Variants in CUL3 observed in about 807,000 individuals in gnomAD.
CUL3 encodes the protein cullin-3.
A neutral mutation model predicts 89.1 loss-of-function variants in CUL3; 19 were observed. That is an observed-to-expected ratio of 0.21 (90% CI 0.15 to 0.31). The LOEUF (loss-of-function observed/expected upper bound fraction) is 0.31. Among genes scored for constraint, CUL3 ranks in the 10% least tolerant of loss-of-function variants. The pLI is 1.00. For synonymous variants in CUL3, 351 were observed against 308.4 expected (o/e 1.14, Z -1.45); for missense variants, 469 against 942.3 (o/e 0.50, Z 6.58).
chr2:224,526,224 C>T (rs1693467431), intron 3 of CUL3, among the ~76,000 whole-genome samples: 1 of 152,226 alleles, frequency 6.6e-6, no homozygotes, highest in Admixed American at 6.5e-5. Flanking sequence ...CTACTCCAAA[C>T]TTCCCATATA....
intron 2 of CUL3, 57 bp from the exon 3 acceptor site, chr2:224,535,698 A>G: frequency 1.0e-6 from 1 of 962,396 alleles, no homozygotes; most frequent in South Asian, 1.3e-5. Context: ...TCGTATATAC[A>G]GGCATGCACA....
At chr2:224,501,766 G>A (rs1356416649) in intron 10 of CUL3, among the ~76,000 whole-genome samples, 1 of 152,150 alleles carries the variant, frequency 6.6e-6, no homozygotes, top group Non-Finnish European at 1.5e-5. Context: ...GTTAGGGGAA[G>A]GGAGGGTCAC....
intron 3 of CUL3, among the ~76,000 whole-genome samples, chr2:224,529,289 T>C (rs569884779): frequency 5.3e-4 from 80 of 152,184 alleles, no homozygotes; most frequent in African/African-American, 1.8e-3. Flanking sequence ...TACCAAACTA[T>C]CTTATAAGCT....
intron 15 of CUL3, among the ~76,000 whole-genome samples, chr2:224,477,655 T>G (rs1691374878): frequency 6.6e-6 from 1 of 152,170 alleles, no homozygotes; most frequent in East Asian, 1.9e-4. Context: ...CTCTATCTAC[T>G]CATTCAAGCC....
intron 2 of CUL3, among the ~76,000 whole-genome samples, chr2:224,546,768 C>G (rs1694319650): frequency 6.6e-6 from 1 of 151,950 alleles, no homozygotes; most frequent in Non-Finnish European, 1.5e-5. Flanking sequence ...ACTTTTAAGC[C>G]TCCTCTCCCC....
intron 1 of CUL3, among the ~76,000 whole-genome samples, chr2:224,575,214 A>G (rs893266122): frequency 5.3e-5 from 8 of 152,214 alleles, no homozygotes; most frequent in Non-Finnish European, 8.8e-5. Context: ...AGAATTCTCA[A>G]GAGATAGCTT....
At chr2:224,497,299 C>T (rs538002677) in intron 12 of CUL3, among the ~76,000 whole-genome samples, 6 of 152,122 alleles carry the variant, frequency 3.9e-5, no homozygotes, top group East Asian at 1.9e-4. Context: ...AATCACTGGT[C>T]TAATACTAAT....
At chr2:224,483,413 T>C (rs542360120) in intron 13 of CUL3, among the ~76,000 whole-genome samples, 5 of 152,156 alleles carry the variant, frequency 3.3e-5, no homozygotes, top group Admixed American at 6.5e-5. Context: ...AGTCATAAGG[T>C]TGTATATATA....
At chr2:224,524,169 G>A (rs1317173332) in intron 3 of CUL3, among the ~76,000 whole-genome samples, 1 of 152,096 alleles carries the variant, frequency 6.6e-6, no homozygotes, top group Non-Finnish European at 1.5e-5. Context: ...CAAGATTCCG[G>A]AGAAAAGGCA....
chr2:224,556,721 T>G (rs1287419236), intron 2 of CUL3, among the ~76,000 whole-genome samples: 1 of 152,122 alleles, frequency 6.6e-6, no homozygotes, highest in Non-Finnish European at 1.5e-5. Flanking sequence ...TTTGGTTAAG[T>G]AAGATTTCTT....
Position 224,513,637 on chromosome 2 carries a change from C to T in CUL3, c.541G>A (p.Gly181Ser). Residue 181 changes from glycine to serine, a missense_variant and splice_region_variant, in exon 5 of 16, where the codon GGC becomes AGC. Transcript: ENST00000264414. ...ATCTGGCAAGCATTTCTTATTGCGC[C>T]TCTGTCGAAAAAAGTTATTATCACT... ...RERKGEVVDR[G>S]AIRNACQMLM... is the part of the protein sequence containing the mutation. 2.5e-6 allele frequency: 4 copies of T among 1,569,980 alleles called. No individual in the cohort carries two copies. Among genetic ancestry groups the T allele is most frequent in the Non-Finnish European group, 3.4e-6 (4 of 1,164,792 alleles).
chr2:224,514,901 G>C (rs780223252), intron 3 of CUL3, 129 bp from the exon 4 acceptor site: 2 of 628,794 alleles, frequency 3.2e-6, no homozygotes, highest in Non-Finnish European at 5.2e-6. Context: ...CACTTCAAAT[G>C]ATCTTAAGCA....
chr2:224,500,621 TC>T (rs1692347281), intron 10 of CUL3, 134 bp from the exon 11 acceptor site: 4 of 792,060 alleles, frequency 5.1e-6, no homozygotes, highest in South Asian at 2.7e-5. Context: ...AAGCAGATTT[TC>T]TTTTCTTTTT....
intron 1 of CUL3, among the ~76,000 whole-genome samples, chr2:224,571,601 AC>A (rs1299745422): frequency 6.6e-6 from 1 of 152,194 alleles, no homozygotes; most frequent in African/African-American, 2.4e-5. Flanking sequence ...CAAAATTGTT[AC>A]AAAAATCTGC....
chr2:224,517,055 A>AATTTAAT (rs555269106), intron 3 of CUL3, among the ~76,000 whole-genome samples: 1,876 of 152,318 alleles, frequency 0.012, 14 homozygotes, highest in Middle Eastern at 0.024. Context: ...AACTAGCATA[A>AATTTAAT]ATTTAATAAT....
chr2:224,516,071 C>T (rs1288683500), intron 3 of CUL3, among the ~76,000 whole-genome samples: 1 of 152,150 alleles, frequency 6.6e-6, no homozygotes, highest in African/African-American at 2.4e-5. Flanking sequence ...TTTCATTCAT[C>T]TTGTATGATG....
rs1343777515 is a variant in CUL3, at chr2:224,585,046, C to G, written c.-37G>C. On this transcript the variant is annotated 5_prime_UTR_variant, in exon 1 of 16. Coordinates refer to ENST00000264414, the MANE Select transcript of CUL3 (RefSeq NM_003590.5). ...CCTCCCCGGCGGCGGCTTCAGGTCG[C>G]GCTCCGCGACGCCGGTGTCACATTT... 1 of 1,454,650 alleles carries G rather than the reference C, an allele frequency of 6.9e-7. No homozygotes were observed. Among genetic ancestry groups the G allele is most frequent in the Non-Finnish European group, 9.2e-7 (1 of 1,084,588 alleles). The allele number at this position is 1,454,650 out of a possible 1,614,324, so 90.1% of individuals were successfully genotyped here.
At chr2:224,565,823 T>C (rs898131016) in intron 1 of CUL3, among the ~76,000 whole-genome samples, 1 of 152,226 alleles carries the variant, frequency 6.6e-6, no homozygotes, top group Non-Finnish European at 1.5e-5. Flanking sequence ...TGATTCTGAC[T>C]GGCTCTGTTG....
At chr2:224,538,585 A>G (rs1196636102) in intron 2 of CUL3, among the ~76,000 whole-genome samples, 1 of 152,220 alleles carries the variant, frequency 6.6e-6, no homozygotes, top group African/African-American at 2.4e-5. Context: ...AGGTAGTACC[A>G]GAACCAAAAC....
Sources: allele counts gnomAD v4.1 joint callset (sites outside exome capture counted in the v4.1 genomes callset), GRCh38; gene constraint gnomAD v4.1.1; transcripts MANE v1.5; gene names NCBI Gene and HGNC (gene_info 2026-07-23, HGNC 2026-07-21).